Variants in RPTOR observed in about 807,000 individuals in gnomAD.
RPTOR encodes the protein regulatory-associated protein of mTOR.
In RPTOR, 21 loss-of-function variants were observed where a neutral mutation model predicts 169.9. The ratio of observed to expected loss-of-function variants is 0.12; its 90% CI spans 0.09 to 0.18. RPTOR has a LOEUF of 0.18. RPTOR is among the 10% of genes least tolerant of loss of function. RPTOR has a pLI of 1.00. For missense variants in RPTOR, 1,133 were observed against 1,855.9 expected (o/e 0.61, Z 7.16); for synonymous variants, 732 against 753.2 (o/e 0.97, Z 0.46).
At position 80,707,073 on chromosome 17, in the gene RPTOR, T is replaced by C. The variant is rs1429857862; in HGVS notation, c.349-768T>C. Among the ~76,000 whole-genome samples the C allele has an allele frequency of 6.6e-6, 1 of 152,228 alleles. No homozygotes were observed. The highest frequency in any genetic ancestry group is 2.4e-5 in the African/African-American group (1 of 41,448). The stretch of plus-strand genomic sequence containing the variant: ...GTTCTCTGTCAGTTTTAGATTCTGC[T>C]CATTCAGGGTTAAGGGCCCAGGCAG... On this transcript the variant is annotated intron_variant, in intron 3 of 33. Coordinates refer to ENST00000306801, the MANE Select transcript of RPTOR (RefSeq NM_020761.3). This position sits in a 1 kb window ranked among gnomAD's most constrained non-coding sequence, Gnocchi z 5.0.
intron 21 of RPTOR, among the ~76,000 whole-genome samples, chr17:80,917,886 G>T (rs58800050): frequency 1.8e-3 from 275 of 152,172 alleles, no homozygotes; most frequent in African/African-American, 6.0e-3. Flanking sequence ...TGGTTTCAGC[G>T]GTGGCCTGCT....
intron 1 of RPTOR, among the ~76,000 whole-genome samples, chr17:80,574,301 A>C: frequency 6.6e-6 from 1 of 150,380 alleles, no homozygotes; most frequent in Non-Finnish European, 1.5e-5. Context: ...AGTAGCTGGG[A>C]CTACAGGCGC....
intron 4 of RPTOR, among the ~76,000 whole-genome samples, chr17:80,716,750 G>A (rs1400606529): frequency 6.6e-6 from 1 of 152,180 alleles, no homozygotes; most frequent in Non-Finnish European, 1.5e-5. Context: ...TTTGTATAAA[G>A]TGAGAGATGA....
rs1248104051 is a variant in RPTOR at position 80,583,187 on chromosome 17, T to TTTTTTTTG, written c.162+37403_162+37404insGTTTTTTT. On this transcript the variant is annotated intron_variant, in intron 1 of 33. Coordinates refer to ENST00000306801, the MANE Select transcript of RPTOR (RefSeq NM_020761.3). ...CTGTCCACTGCCTCTTTCCTGTTTT[T>TTTTTTTTG]TTTTTTTTTTTTTTTTTTTGAGACA... is the stretch of plus-strand genomic sequence containing the variant. Among the ~76,000 whole-genome samples, 185 of 123,964 alleles carry TTTTTTTTG rather than the reference T, an allele frequency of 1.5e-3. 7 individuals are homozygous for TTTTTTTTG. The highest frequency in any genetic ancestry group is 2.6e-3 in the Non-Finnish European group (146 of 57,214). 81.3% of individuals were successfully genotyped at this position (123,964 alleles called of 152,430 possible). A position where few individuals can be genotyped will look rare whatever the true frequency, so the allele number is the denominator to read the frequency against.
At chr17:80,587,320 G>C (rs978849880) in intron 1 of RPTOR, among the ~76,000 whole-genome samples, 2 of 152,226 alleles carry the variant, frequency 1.3e-5, no homozygotes, top group African/African-American at 4.8e-5. Context: ...TTTGTGTCTT[G>C]TAAGACACCC....
chr17:80,708,357 C>T lies in RPTOR; in HGVS notation c.507+358C>T, dbSNP rs74002838. Among the ~76,000 whole-genome samples the T allele has an allele frequency of 0.18, 26,754 of 152,212 alleles. 3,758 individuals are homozygous for T. The highest frequency in any genetic ancestry group is 0.39 in the African/African-American group (16,193 of 41,502). On this transcript the variant is annotated intron_variant, in intron 4 of 33. Transcript: ENST00000306801. The surrounding 1 kb of genome is among the most constrained non-coding windows in gnomAD (Gnocchi z 4.2). ...TTCGTTAGAATCTTTCTTTAAGCAT[C>T]GGTGATTTTCTTAGAAAATAAAGTG...
chr17:80,921,805 T>C (rs1270577509), intron 21 of RPTOR, among the ~76,000 whole-genome samples: 1 of 152,008 alleles, frequency 6.6e-6, no homozygotes, highest in East Asian at 1.9e-4. Context: ...CTCCCCACCC[T>C]CCGGGAGCAG....
chr17:80,587,146 C>T (rs2065068039), intron 1 of RPTOR, among the ~76,000 whole-genome samples: 1 of 151,182 alleles, frequency 6.6e-6, no homozygotes, highest in Admixed American at 6.6e-5. Flanking sequence ...GCCCCGCTCG[C>T]CCCTCTGGCC....
chr17:80,825,249 G>A (rs535499292), intron 9 of RPTOR, among the ~76,000 whole-genome samples: 5 of 151,292 alleles, frequency 3.3e-5, no homozygotes, highest in African/African-American at 9.7e-5. Context: ...TAGAGGCCGC[G>A]TGGCGAGGCC....
chr17:80,862,358 G>A (rs1031388976), intron 13 of RPTOR, among the ~76,000 whole-genome samples: 2 of 152,044 alleles, frequency 1.3e-5, no homozygotes, highest in Admixed American at 1.3e-4. Flanking sequence ...TTACCCTGGC[G>A]ATAACTTCCC....
rs372975956 is a variant in RPTOR at position 80,545,653 on chromosome 17, G to C, written c.24G>C (p.Ser8=). The change falls in exon 1 of 34, where the codon TCG becomes TCC. Residue 8 remains serine (S), a synonymous_variant. Transcript: ENST00000306801. MESEMLQ[S]PLLGLGEEDE... ...TGATGGAGTCCGAAATGCTGCAATC[G>C]CCTCTTCTGGGCCTGGGGGAGGAAG... is the stretch of plus-strand genomic sequence containing the variant. 258 of 1,611,718 alleles carry C rather than the reference G, an allele frequency of 1.6e-4. No homozygotes were observed. Among genetic ancestry groups the C allele is most frequent in the Non-Finnish European group, 1.8e-4 (212 of 1,178,918 alleles).
At chr17:80,880,632 G>A (rs1382484042) in intron 14 of RPTOR, 143 bp downstream of exon 14, 3 of 686,634 alleles carry the variant, frequency 4.4e-6, no homozygotes, top group Admixed American at 2.4e-5. Flanking sequence ...CACGGGGTCA[G>A]CAACTGCTTC....
chr17:80,679,537 A>G (rs995029024), intron 3 of RPTOR, among the ~76,000 whole-genome samples: 6 of 152,156 alleles, frequency 3.9e-5, no homozygotes, highest in Admixed American at 3.9e-4. Flanking sequence ...TAAACTTAAG[A>G]ATTTCTGTCA....
intron 3 of RPTOR, among the ~76,000 whole-genome samples, chr17:80,658,959 G>A (rs1399617553): frequency 2.6e-5 from 4 of 152,210 alleles, no homozygotes; most frequent in Non-Finnish European, 5.9e-5. Flanking sequence ...TGGGGGGTGT[G>A]TGTTGCCATC....
chr17:80,549,064 C>T (rs2084313803), intron 1 of RPTOR, among the ~76,000 whole-genome samples: 1 of 152,156 alleles, frequency 6.6e-6, no homozygotes, highest in South Asian at 2.1e-4. Flanking sequence ...CACTTGGCAT[C>T]CTTCCAGAGC....
At chr17:80,728,950 G>A (rs1316717428) in intron 4 of RPTOR, among the ~76,000 whole-genome samples, 2 of 152,192 alleles carry the variant, frequency 1.3e-5, no homozygotes, top group Non-Finnish European at 2.9e-5. Context: ...AACGCGGACA[G>A]TTTTAACAAC....
intron 4 of RPTOR, among the ~76,000 whole-genome samples, chr17:80,718,528 A>T (rs1567873346): frequency 6.6e-6 from 1 of 152,028 alleles, no homozygotes; most frequent in Non-Finnish European, 1.5e-5. Context: ...AGAGAGAGAG[A>T]GAGTTGTGCC....
At chr17:80,673,385 T>C (rs1270935707) in intron 3 of RPTOR, among the ~76,000 whole-genome samples, 1 of 152,246 alleles carries the variant, frequency 6.6e-6, no homozygotes, top group Non-Finnish European at 1.5e-5. Flanking sequence ...ATGCTTGTTT[T>C]GGATGCGAGC....
At chr17:80,591,164 C>CT (rs2065102469) in intron 1 of RPTOR, among the ~76,000 whole-genome samples, 1 of 2,266 alleles carries the variant, frequency 4.4e-4, no homozygotes, top group Non-Finnish European at 1.0e-3. Flanking sequence ...CCCCTCCCCT[C>CT]CCTTCCCTTC....
Sources: gnomAD v4.1 joint callset for allele counts (sites outside exome capture counted in the v4.1 genomes callset) on GRCh38, gnomAD v4.1.1 for gene constraint, Gnocchi (gnomAD v3.1) non-coding constraint, MANE v1.5 for transcripts, NCBI Gene and HGNC (gene_info 2026-07-23, HGNC 2026-07-21) for gene names.